EHBP1: variants seen among roughly 807,000 people sequenced by gnomAD.
EHBP1 encodes the protein EH domain binding protein 1.
A neutral mutation model predicts 144.0 loss-of-function variants in EHBP1; 55 were observed. The ratio of observed to expected loss-of-function variants is 0.38; its 90% CI spans 0.31 to 0.48. The LOEUF (loss-of-function observed/expected upper bound fraction) is 0.48. Among genes scored for constraint, EHBP1 ranks in the 20% least tolerant of loss-of-function variants. EHBP1 has a pLI of 0.98. For missense variants in EHBP1, 1,200 were observed against 1,364.2 expected, an observed-to-expected ratio of 0.88 and a Z score of 1.90; for synonymous variants, 469 against 472.7, an observed-to-expected ratio of 0.99 and a Z score of 0.10.
At position 62,764,302 on chromosome 2, in the gene EHBP1, C is replaced by T. The variant is rs146506514; in HGVS notation, c.199C>T (p.Arg67Cys). 53 of 1,579,292 alleles carry T rather than the reference C, an allele frequency of 3.4e-5. No homozygotes were observed. The highest frequency in any genetic ancestry group is 1.3e-4 in the Admixed American group (7 of 53,722). ...GCAACCTGGAATAAAAAATCCCTAT[C>T]GTGGTGTTGTTGTGTGGCCTGTTCC... ...SWQPGIKNPY[R>C]GVVVWPVPEN... The change falls in exon 4 of 23, where the codon CGT (arginine) becomes TGT (cysteine). Residue 67 changes from arginine (R) to cysteine (C), a missense_variant. By Grantham distance (180) the Arg-to-Cys change is radical (BLOSUM62 -3). This residue lies in a region of EHBP1 where 137 missense variants were observed against 190.1 expected (regional missense o/e 0.72). Coordinates refer to ENST00000431489, the MANE Select transcript of EHBP1 (RefSeq NM_001142616.3).
chr2:62,874,574 G>T, intron 10 of EHBP1, 42 bp downstream of exon 10: 1 of 1,471,000 alleles, frequency 6.8e-7, no homozygotes, highest in Non-Finnish European at 9.2e-7. Flanking sequence ...AATATTTGCT[G>T]TTTTCTCCCC....
At chr2:62,795,043 GA>G (rs879782651) in intron 5 of EHBP1, among the ~76,000 whole-genome samples, 30 of 143,684 alleles carry the variant, frequency 2.1e-4, no homozygotes, top group Admixed American at 1.3e-3. Context: ...TGTATACACA[GA>G]AAAAAAAAAT....
At chr2:62,803,438 G>A (rs1359717639) in intron 5 of EHBP1, among the ~76,000 whole-genome samples, 1 of 152,148 alleles carries the variant, frequency 6.6e-6, no homozygotes, top group Non-Finnish European at 1.5e-5. Context: ...CACCCTCAGC[G>A]ATGCTAGCTA....
At chr2:63,021,682 C>T (rs2060755565) in intron 19 of EHBP1, among the ~76,000 whole-genome samples, 1 of 152,120 alleles carries the variant, frequency 6.6e-6, no homozygotes, top group African/African-American at 2.4e-5. Context: ...TATGCGTTGG[C>T]CCCTGAGTCC....
intron 19 of EHBP1, among the ~76,000 whole-genome samples, chr2:63,006,481 G>GA (rs796097887): frequency 2.6e-5 from 4 of 151,754 alleles, no homozygotes; most frequent in South Asian, 4.1e-4. Context: ...CTATTAGATA[G>GA]AAAAAAACCT....
chr2:62,879,546 AACACACACACACACACACACAC>A (rs70962798), intron 10 of EHBP1, among the ~76,000 whole-genome samples: 38 of 133,790 alleles, frequency 2.8e-4, no homozygotes, highest in African/African-American at 8.9e-4. Flanking sequence ...TATTCACAAT[AACACACACACACACACACACAC>A]ACACACACAC....
chr2:62,851,904 TA>T (rs2048716205), intron 7 of EHBP1, among the ~76,000 whole-genome samples: 1 of 152,110 alleles, frequency 6.6e-6, no homozygotes, highest in Admixed American at 6.6e-5. Context: ...TTGAATTAGT[TA>T]ATGAAGAAAT....
At chr2:62,976,134 A>G (rs1359569642) in intron 14 of EHBP1, among the ~76,000 whole-genome samples, 1 of 152,096 alleles carries the variant, frequency 6.6e-6, no homozygotes, top group Non-Finnish European at 1.5e-5. Flanking sequence ...ATTTTCCTTG[A>G]TTCAGTGTGT....
At chr2:62,832,108 A>C (rs943935395) in intron 7 of EHBP1, among the ~76,000 whole-genome samples, 1 of 152,156 alleles carries the variant, frequency 6.6e-6, no homozygotes, top group Admixed American at 6.5e-5. Flanking sequence ...ATTATTTTCT[A>C]ATTTGTGATT....
At chr2:63,014,918 C>T (rs1316858345) in intron 19 of EHBP1, among the ~76,000 whole-genome samples, 1 of 151,938 alleles carries the variant, frequency 6.6e-6, no homozygotes, top group Non-Finnish European at 1.5e-5. Context: ...GTGGAGGTTA[C>T]AGTGAGCCGA....
chr2:62,730,757 AAGAG>A (rs922716228), intron 2 of EHBP1, among the ~76,000 whole-genome samples: 20 of 110,966 alleles, frequency 1.8e-4, no homozygotes, highest in Non-Finnish European at 2.9e-4. Context: ...GAGAGAAAGA[AAGAG>A]AGAGACAGAC....
intron 5 of EHBP1, among the ~76,000 whole-genome samples, chr2:62,785,879 CT>C (rs150739593): frequency 1.0e-4 from 15 of 150,104 alleles, no homozygotes; most frequent in Non-Finnish European, 1.3e-4. Flanking sequence ...ACTTACGAAA[CT>C]TTTTTTTTTC....
intron 7 of EHBP1, chr2:62,858,640 G>T (rs1329926729): frequency 8.2e-6 from 5 of 613,372 alleles, no homozygotes; most frequent in Non-Finnish European, 1.1e-5. Context: ...GTTTTCTTTG[G>T]TAATTTGTAG....
At chr2:62,791,265 G>A (rs566713083) in intron 5 of EHBP1, among the ~76,000 whole-genome samples, 1 of 151,974 alleles carries the variant, frequency 6.6e-6, no homozygotes, top group Non-Finnish European at 1.5e-5. Context: ...TAGAAAAATT[G>A]AATTTTTTAA....
chr2:62,879,709 T>C (rs2051228703), intron 10 of EHBP1, among the ~76,000 whole-genome samples: 1 of 151,722 alleles, frequency 6.6e-6, no homozygotes. Context: ...AAATCAGAGA[T>C]GACACAAACA....
chr2:62,913,516 A>G (rs1344175770), intron 10 of EHBP1, among the ~76,000 whole-genome samples: 1 of 152,204 alleles, frequency 6.6e-6, no homozygotes, highest in African/African-American at 2.4e-5. Flanking sequence ...CTTGGTTGGT[A>G]ATTACAATTG....
intron 5 of EHBP1, 28 bp from the exon 6 acceptor site, chr2:62,826,059 C>A: frequency 7.0e-7 from 1 of 1,423,218 alleles, no homozygotes; most frequent in Non-Finnish European, 9.3e-7. Context: ...CTCAAAATTA[C>A]ATACTTTTTT....
chr2:62,675,736 T>C (rs539062715), intron 1 of EHBP1, among the ~76,000 whole-genome samples: 15 of 152,302 alleles, frequency 9.8e-5, no homozygotes, highest in Admixed American at 7.2e-4. Context: ...TGAGTTTGAA[T>C]TCATGCAGAA....
intron 19 of EHBP1, among the ~76,000 whole-genome samples, chr2:63,008,225 T>G (rs1044059887): frequency 1.3e-5 from 2 of 151,734 alleles, no homozygotes; most frequent in African/African-American, 4.8e-5. Context: ...TTCTTTTAAT[T>G]GTAGATAGGA....
Sources: gnomAD v4.1 joint callset for allele counts (sites outside exome capture counted in the v4.1 genomes callset) on GRCh38, gnomAD v4.1.1 for gene constraint, gnomAD v4.1.1 regional missense constraint, MANE v1.5 for transcripts, NCBI Gene and HGNC (gene_info 2026-07-23, HGNC 2026-07-21) for gene names.